The following VSTM4 variants were observed in gnomAD, a reference collection of about 807,000 sequenced individuals.
The protein encoded by VSTM4 is V-set and transmembrane domain containing 4, also known as V-set and transmembrane domain-containing protein 4.
In VSTM4, 20 loss-of-function variants were observed where a neutral mutation model predicts 36.4. The ratio of observed to expected loss-of-function variants is 0.55; its 90% CI spans 0.39 to 0.80. The LOEUF (loss-of-function observed/expected upper bound fraction) is 0.80. VSTM4 is among the 30% of genes least tolerant of loss of function. VSTM4 has a pLI of 0.00. For missense variants in VSTM4, 392 were observed against 404.5 expected (o/e 0.97, Z 0.26); for synonymous variants, 182 against 173.9 (o/e 1.05, Z -0.37).
chr10:49,083,609 G>T (rs1247605360), intron 3 of VSTM4, among the ~76,000 whole-genome samples: 1 of 152,230 alleles, frequency 6.6e-6, no homozygotes, highest in African/African-American at 2.4e-5. Context: ...TTTGGATGAG[G>T]CCTGATTCTC....
intron 3 of VSTM4, among the ~76,000 whole-genome samples, chr10:49,080,581 A>G (rs576074210): frequency 5.9e-5 from 9 of 152,382 alleles, no homozygotes; most frequent in East Asian, 5.8e-4. Context: ...TGAAGGGTGC[A>G]TCTGCACTAA....
intron 4 of VSTM4, among the ~76,000 whole-genome samples, chr10:49,069,505 T>C (rs1236183161): frequency 6.6e-6 from 1 of 152,212 alleles, no homozygotes; most frequent in Non-Finnish European, 1.5e-5. Flanking sequence ...CCCTGCAGCC[T>C]GAGAAAGCAC....
rs75198629 is a variant in VSTM4, at chr10:49,047,878, T to C, written c.775+600A>G. Reference sequence around the variant, plus strand: ...ACTACATTTCAAATTTGCTAAGGTATGAATATCTCCTAAATTGACCAGTTA... The same window carrying C: ...ACTACATTTCAAATTTGCTAAGGTACGAATATCTCCTAAATTGACCAGTTA... On this transcript the variant is annotated intron_variant, in intron 6 of 7. Coordinates refer to ENST00000332853, the MANE Select transcript of VSTM4 (RefSeq NM_001031746.5). 5.2e-3 allele frequency among the ~76,000 whole-genome samples: 795 copies of C among 152,356 alleles called. 7 individuals carry two copies. Among genetic ancestry groups the C allele is most frequent in the African/African-American group, 0.018 (761 of 41,580 alleles).
chr10:49,101,913 A>C (rs1407397648), intron 2 of VSTM4, among the ~76,000 whole-genome samples: 1 of 152,206 alleles, frequency 6.6e-6, no homozygotes, highest in East Asian at 1.9e-4. Flanking sequence ...AATACATGTA[A>C]TATCACCAAC....
intron 2 of VSTM4, among the ~76,000 whole-genome samples, chr10:49,091,788 C>G (rs368732239): frequency 2.0e-5 from 3 of 152,228 alleles, no homozygotes; most frequent in African/African-American, 7.2e-5. Flanking sequence ...CCTGGGAAGG[C>G]TCCATTTTTC....
intron 4 of VSTM4, among the ~76,000 whole-genome samples, chr10:49,071,683 G>T (rs1454296011): frequency 3.3e-5 from 5 of 152,200 alleles, no homozygotes; most frequent in Non-Finnish European, 5.9e-5. Flanking sequence ...GGTTGCATCC[G>T]GAGTGGGACC....
At chr10:49,068,307 T>G (rs563942228) in intron 4 of VSTM4, among the ~76,000 whole-genome samples, 2 of 152,152 alleles carry the variant, frequency 1.3e-5, no homozygotes, top group East Asian at 3.9e-4. Flanking sequence ...TGACCGGTGT[T>G]TTGATAAGTC....
At chr10:49,040,323 C>T (rs376773421) in intron 7 of VSTM4, among the ~76,000 whole-genome samples, 1 of 152,212 alleles carries the variant, frequency 6.6e-6, no homozygotes, top group Non-Finnish European at 1.5e-5. Flanking sequence ...CACTCTGTCA[C>T]CTAGGCTGTA....
chr10:49,032,756 T>C (rs1389286687), intron 7 of VSTM4, among the ~76,000 whole-genome samples: 1 of 152,100 alleles, frequency 6.6e-6, no homozygotes, highest in East Asian at 1.9e-4. Context: ...ACGACAACAC[T>C]CTAGCAAGAA....
intron 7 of VSTM4, among the ~76,000 whole-genome samples, chr10:49,041,298 T>G (rs1234339971): frequency 6.6e-6 from 1 of 152,254 alleles, no homozygotes; most frequent in Non-Finnish European, 1.5e-5. Context: ...AGCTTCCAAA[T>G]TGACCTTGCT....
rs577805499 is a variant in VSTM4 at position 49,028,218 on chromosome 10, A to G, written c.838-8443T>C. 2.0e-5 allele frequency among the ~76,000 whole-genome samples: 3 copies of G among 152,328 alleles called. No individual in the cohort carries two copies. The South Asian group carries it at 6.2e-4, about 32-fold the overall frequency. ...GCTGAGCCAGATTAAATTCTTACAT[A>G]GCACAGTTTCCTCTCAGAAGCATTA... On this transcript the variant is annotated intron_variant, in intron 7 of 7. Coordinates refer to ENST00000332853, the MANE Select transcript of VSTM4 (RefSeq NM_001031746.5).
intron 4 of VSTM4, 83 bp downstream of exon 4, chr10:49,077,136 G>C: frequency 7.3e-7 from 1 of 1,374,524 alleles, no homozygotes; most frequent in Admixed American, 1.9e-5. Flanking sequence ...TTTCCACCAA[G>C]GTGGTACTTT....
rs142903506 is a variant in VSTM4 at position 49,077,320 on chromosome 10, T to G, written c.533A>C (p.Tyr178Ser). 2.5e-6 allele frequency: 4 copies of G among 1,613,994 alleles called. No homozygotes were observed. The African/African-American group carries it at 5.3e-5, about 22-fold the overall frequency. ...KETWAFFEDL[Y>S]VYAVLVCCVG... ...GCAGCACACGAGGACAGCATACACA[T>G]AGAGATCTGAAAGGCAAGGACAGAC... Residue 178 changes from tyrosine (Y) to serine (S), a missense_variant, in exon 4 of 8, where the codon TAT (tyrosine) becomes TCT (serine). Coordinates refer to ENST00000332853, the MANE Select transcript of VSTM4 (RefSeq NM_001031746.5).
intron 2 of VSTM4, among the ~76,000 whole-genome samples, chr10:49,100,096 A>G (rs1057114621): frequency 5.9e-5 from 9 of 152,236 alleles, no homozygotes; most frequent in South Asian, 2.1e-4. Context: ...GGGCAATCCC[A>G]GTTGTTTTTT....
intron 5 of VSTM4, among the ~76,000 whole-genome samples, chr10:49,057,782 G>T (rs955437956): frequency 6.6e-6 from 1 of 152,188 alleles, no homozygotes; most frequent in African/African-American, 2.4e-5. Flanking sequence ...TTGCTCAGGT[G>T]GATGTGGGCA....
chr10:49,052,708 T>C (rs938171606), intron 5 of VSTM4, among the ~76,000 whole-genome samples: 1 of 152,236 alleles, frequency 6.6e-6, no homozygotes, highest in African/African-American at 2.4e-5. Flanking sequence ...TAGAATCAAA[T>C]AATATTTCCA....
At chr10:49,107,547 T>C (rs1440483821) in intron 2 of VSTM4, 47 bp downstream of exon 2, 2 of 1,550,132 alleles carry the variant, frequency 1.3e-6, no homozygotes, top group Non-Finnish European at 8.7e-7. Context: ...GGGGGCCTAC[T>C]GGCCTGCCCC....
chr10:49,111,256 G>A (rs1844888699), intron 1 of VSTM4, among the ~76,000 whole-genome samples: 1 of 152,206 alleles, frequency 6.6e-6, no homozygotes, highest in Non-Finnish European at 1.5e-5. Flanking sequence ...AATACTAAGA[G>A]AGAGGTAGTC....
At chr10:49,076,658 T>G (rs1351652004) in intron 4 of VSTM4, among the ~76,000 whole-genome samples, 1 of 152,068 alleles carries the variant, frequency 6.6e-6, no homozygotes, top group Non-Finnish European at 1.5e-5. Context: ...TCATGAGAAC[T>G]ACACTTTCCT....
Sources: gnomAD v4.1 joint callset for allele counts (sites outside exome capture counted in the v4.1 genomes callset) on GRCh38, gnomAD v4.1.1 for gene constraint, MANE v1.5 for transcripts, NCBI Gene and HGNC (gene_info 2026-07-23, HGNC 2026-07-21) for gene names.